The following FRMD8 variants were observed in gnomAD, a reference collection of about 807,000 sequenced individuals.
FRMD8 encodes the protein FERM domain containing 8, also known as FERM domain-containing protein 8.
Under a neutral mutation model 54.2 loss-of-function variants are expected in FRMD8, and 37 were observed. The ratio of observed to expected loss-of-function variants is 0.68; its 90% confidence interval spans 0.53 to 0.90. FRMD8 has a LOEUF of 0.90. Among genes scored for constraint, FRMD8 ranks in the 40% least tolerant of loss-of-function variants. FRMD8 has a pLI of 0.00. For synonymous variants in FRMD8, 246 were observed against 286.9 expected (o/e 0.86, Z 1.44); for missense variants, 585 against 653.7 (o/e 0.89, Z 1.15).
In FRMD8 at chr11:65,400,667, T is replaced by G; in HGVS notation, c.928-57T>G. On this transcript the variant is annotated intron_variant, in intron 8 of 10. Transcript: ENST00000317568. The surrounding 1 kb of genome is among the most constrained non-coding windows in gnomAD (Gnocchi z 4.3). ...GGCCAGGTGTCTGAGTGGGATGGGGTGGGGAGCAGACCTCTGCCCAGGGGT... is the reference window on the plus strand; with the variant it reads ...GGCCAGGTGTCTGAGTGGGATGGGGGGGGGAGCAGACCTCTGCCCAGGGGT... The G allele has an allele frequency of 6.8e-7, 1 of 1,475,144 alleles. No homozygotes were observed. Among genetic ancestry groups the G allele is most frequent in the Non-Finnish European group, 9.0e-7 (1 of 1,108,574 alleles). 91.4% of individuals were successfully genotyped at this position (1,475,144 alleles called of 1,614,324 possible). A position where few individuals can be genotyped will look rare whatever the true frequency, so the allele number is the denominator to read the frequency against.
the FRMD8 span, chr11:65,380,848 C>G: frequency 4.0e-3 from 1,227 of 305,086 alleles, 28 homozygotes; most frequent in South Asian, 0.031. Flanking sequence ...CCTCAGGGCC[C>G]GGGACTGCGG....
Position 65,394,299 on chromosome 11 carries a change from C to T in FRMD8, c.455C>T (p.Ala152Val). ...EEVLRLLYEE[A>V]KGNVLAARYP... ...GTCCTGCGGCTGCTCTATGAGGAGG[C>T]CAAGGGCAACGTGCTGGCTGCACGG... The change falls in exon 6 of 11, where the codon GCC becomes GTC. Residue 152 changes from alanine (A) to valine (V), a missense_variant. Ala to Val is a moderately conservative substitution (Grantham distance 64, BLOSUM62 0). Coordinates refer to ENST00000317568, the MANE Select transcript of FRMD8 (RefSeq NM_031904.5). The T allele has an allele frequency of 6.3e-7, 1 of 1,593,942 alleles. No individual in the cohort carries two copies. The highest frequency in any genetic ancestry group is 8.5e-7 in the Non-Finnish European group (1 of 1,170,598).
the FRMD8 span, chr11:65,378,567 G>A: frequency 6.6e-6 from 1 of 152,282 alleles, no homozygotes; most frequent in Non-Finnish European, 1.5e-5. Context: ...AGAAGGGGCA[G>A]AAGAAAAGCC....
the FRMD8 span, among the ~76,000 whole-genome samples, chr11:65,373,588 T>C: frequency 4.2e-4 from 64 of 152,176 alleles, no homozygotes; most frequent in African/African-American, 1.5e-3. Context: ...TAAAAATTAT[T>C]ATCATTATTA....
At chr11:65,386,983 TC>T in intron 1 of FRMD8, 53 bp from the exon 2 acceptor site, 1 of 1,509,924 alleles carries the variant, frequency 6.6e-7, no homozygotes, top group South Asian at 1.2e-5. Context: ...TGAGGAGACC[TC>T]CAGCCCCCCA....
Position 65,390,332 on chromosome 11 carries a change from T to G in FRMD8, c.253+804T>G, listed in dbSNP as rs1412418316. On this transcript the variant is annotated intron_variant, in intron 3 of 10. Transcript: ENST00000317568. ...AAGGGAGAGGCTGCCCCATGTTGTT[T>G]AGTAAATCGGTGCCATAGGCCGGGC... 3.3e-5 allele frequency among the ~76,000 whole-genome samples: 5 copies of G among 152,228 alleles called. No homozygotes were observed. The South Asian group carries it at 1.0e-3, about 32-fold the overall frequency.
chr11:65,390,133 G>A (rs1245048936), intron 3 of FRMD8, among the ~76,000 whole-genome samples: 1 of 152,088 alleles, frequency 6.6e-6, no homozygotes, highest in Non-Finnish European at 1.5e-5. Flanking sequence ...CTCTGGGAGG[G>A]GGGTCTTCAG....
In FRMD8 at chr11:65,400,723, G is replaced by T. The variant is rs1278604910; in HGVS notation, c.928-1G>T. 8 of 1,583,100 alleles carry T rather than the reference G, an allele frequency of 5.1e-6. No individual in the cohort carries two copies. The highest frequency in any genetic ancestry group is 6.0e-6 in the Non-Finnish European group (7 of 1,166,140). ...CTGGCTCTGTGTCTCCTGCTGGCCA[G>T]CATGTCCTGCTGGGCCTGCGCTTCC... On this transcript the variant is annotated splice_acceptor_variant, in intron 8 of 10. Coordinates refer to ENST00000317568, the MANE Select transcript of FRMD8 (RefSeq NM_031904.5). LOFTEE classifies it high-confidence loss of function. The surrounding 1 kb of genome is among the most constrained non-coding windows in gnomAD (Gnocchi z 4.3).
At chr11:65,398,008 TG>T (rs369988105) in intron 7 of FRMD8, among the ~76,000 whole-genome samples, 1 of 151,936 alleles carries the variant, frequency 6.6e-6, no homozygotes, top group East Asian at 1.9e-4. Flanking sequence ...CCCAAGTAGC[TG>T]GGACTACAGG....
chr11:65,387,380 A>C, intron 2 of FRMD8: 2 of 617,794 alleles, frequency 3.2e-6, no homozygotes, highest in Non-Finnish European at 5.8e-6. Context: ...TATGAATGAA[A>C]AGTGAAGGCT....
At chr11:65,394,968 C>T (rs572116291) in intron 6 of FRMD8, among the ~76,000 whole-genome samples, 4 of 152,326 alleles carry the variant, frequency 2.6e-5, no homozygotes, top group East Asian at 1.9e-4. Flanking sequence ...GTGAAGGGGC[C>T]GGACGCGGTG....
chr11:65,375,503 A>T, the FRMD8 span: 1 of 152,616 alleles, frequency 6.6e-6, no homozygotes, highest in East Asian at 1.9e-4. Flanking sequence ...CCTGCCAGGC[A>T]CTGTGCACTG....
intron 10 of FRMD8, among the ~76,000 whole-genome samples, chr11:65,408,278 T>C (rs1856252733): frequency 6.6e-6 from 1 of 151,978 alleles, no homozygotes; most frequent in Non-Finnish European, 1.5e-5. Context: ...TTCTCCATGT[T>C]GGTCAGGCTG....
chr11:65,377,040 G>A, the FRMD8 span: 32 of 1,613,892 alleles, frequency 2.0e-5, no homozygotes, highest in Admixed American at 3.3e-5. Flanking sequence ...TTTTGTAGCC[G>A]GACTTTGATG....
At chr11:65,379,494 A>G in the FRMD8 span, 296 of 1,614,086 alleles carry the variant, frequency 1.8e-4, 4 homozygotes, top group South Asian at 2.9e-3. Flanking sequence ...ATAGACCCCA[A>G]ACAGGACAGA....
intron 3 of FRMD8, among the ~76,000 whole-genome samples, chr11:65,390,292 G>A (rs570467406): frequency 1.3e-5 from 2 of 152,168 alleles, no homozygotes; most frequent in African/African-American, 4.8e-5. Flanking sequence ...CTGCTGGTTC[G>A]CACAGGAGGG....
At chr11:65,394,214 G>T (rs1488518475) in intron 5 of FRMD8, 45 bp from the exon 6 acceptor site, 1 of 1,592,802 alleles carries the variant, frequency 6.3e-7, no homozygotes, top group African/African-American at 1.3e-5. Context: ...AGCTCTCCCT[G>T]CCCCAGCCCA....
At chr11:65,389,291 G>A in intron 2 of FRMD8, 70 bp from the exon 3 acceptor site, 1 of 1,506,092 alleles carries the variant, frequency 6.6e-7, no homozygotes, top group South Asian at 1.1e-5. Flanking sequence ...GTGGTAGAGG[G>A]TGCCTGGTTG....
chr11:65,396,324 G>A (rs1204279593), intron 6 of FRMD8, among the ~76,000 whole-genome samples: 2 of 152,206 alleles, frequency 1.3e-5, no homozygotes, highest in Admixed American at 6.5e-5. Flanking sequence ...TGGAGATGCA[G>A]GCATCTGGAG....
Sources: gnomAD v4.1 joint callset for allele counts (sites outside exome capture counted in the v4.1 genomes callset) on GRCh38, gnomAD v4.1.1 for gene constraint, Gnocchi (gnomAD v3.1) non-coding constraint, MANE v1.5 for transcripts, NCBI Gene and HGNC (gene_info 2026-07-23, HGNC 2026-07-21) for gene names.